The following SP140 variants were observed in gnomAD, a reference collection of about 807,000 sequenced individuals.
SP140 encodes the protein nuclear body protein SP140.
In SP140, 81 loss-of-function variants were observed where a neutral mutation model predicts 125.0. The ratio of observed to expected loss-of-function variants is 0.65; its 90% CI spans 0.54 to 0.78. The LOEUF (loss-of-function observed/expected upper bound fraction) is 0.78. SP140 is among the 30% of genes least tolerant of loss of function. The pLI is 0.00. For synonymous variants in SP140, 312 were observed against 354.0 expected (o/e 0.88, Z 1.33); for missense variants, 858 against 1,037.0 (o/e 0.83, Z 2.37).
intron 3 of SP140, chr2:230,238,940 G>A (rs2048349755): frequency 1.2e-5 from 18 of 1,542,388 alleles, no homozygotes; most frequent in Non-Finnish European, 1.6e-5. Flanking sequence ...ATTGCAGACT[G>A]TGGGAGGCAG....
At position 230,310,835 on chromosome 2, in the gene SP140, G is replaced by A. The variant is rs773062826; in HGVS notation, c.2267G>A (p.Cys756Tyr). The A allele has an allele frequency of 2.0e-5, 26 of 1,325,344 alleles. No homozygotes were observed. Among genetic ancestry groups the A allele is most frequent in the Non-Finnish European group, 2.5e-5 (24 of 961,104 alleles). 82.1% of individuals were successfully genotyped at this position (1,325,344 alleles called of 1,614,324 possible). The change falls in exon 24 of 27, where the codon TGT becomes TAT. Residue 756 changes from cysteine to tyrosine, a missense_variant. By Grantham distance (194) the Cys-to-Tyr change is radical (BLOSUM62 -2). Transcript: ENST00000392045. Reference sequence around the variant, plus strand: ...TCTGAGGTCCTGGAGAGGCAGATGTGTCCTGAGGAACAGTTGGTAAATCAG... The same window carrying A: ...TCTGAGGTCCTGGAGAGGCAGATGTATCCTGAGGAACAGTTGGTAAATCAG... ...QESEVLERQM[C>Y]PEEQLKCEFL...
At chr2:230,249,075 C>T (rs1196643648) in intron 9 of SP140, 107 bp downstream of exon 9, 6 of 747,764 alleles carry the variant, frequency 8.0e-6, no homozygotes, top group African/African-American at 5.4e-5. Flanking sequence ...TCTTCACATT[C>T]GCATACATAC....
intron 1 of SP140, among the ~76,000 whole-genome samples, chr2:230,235,585 A>G (rs750651582): frequency 1.3e-5 from 2 of 152,310 alleles, no homozygotes; most frequent in Admixed American, 6.5e-5. Flanking sequence ...TAAGGAATGG[A>G]AAGTCCCAAT....
chr2:230,282,681 G>T (rs1351448309), intron 15 of SP140, among the ~76,000 whole-genome samples: 1 of 152,132 alleles, frequency 6.6e-6, no homozygotes, highest in Non-Finnish European at 1.5e-5. Context: ...AAACGATCTA[G>T]GTCCCTTATG....
At chr2:230,245,728 C>A in intron 6 of SP140, 135 bp from the exon 7 acceptor site, 1 of 617,792 alleles carries the variant, frequency 1.6e-6, no homozygotes, top group East Asian at 2.7e-5. Flanking sequence ...AGAAGTAGAG[C>A]CACTTTTGTT....
intron 16 of SP140, 22 bp from the exon 17 acceptor site, chr2:230,285,730 A>G (rs752680010): frequency 8.1e-6 from 13 of 1,598,036 alleles, no homozygotes; most frequent in South Asian, 1.1e-5. Context: ...CTATTAATAC[A>G]TTTTCCCCTG....
intron 3 of SP140, among the ~76,000 whole-genome samples, chr2:230,214,610 T>C (rs1263977453): frequency 6.6e-6 from 1 of 152,252 alleles, no homozygotes; most frequent in African/African-American, 2.4e-5. Context: ...CCTCCCTGGC[T>C]CTCCTTGTCC....
At chr2:230,275,676 CAT>C (rs1442609190) in intron 15 of SP140, among the ~76,000 whole-genome samples, 1 of 152,186 alleles carries the variant, frequency 6.6e-6, no homozygotes, top group African/African-American at 2.4e-5. Flanking sequence ...GGAAGCGTCA[CAT>C]GTGTCTCACT....
intron 3 of SP140, among the ~76,000 whole-genome samples, chr2:230,216,304 C>G (rs773555371): frequency 6.6e-6 from 1 of 151,970 alleles, no homozygotes; most frequent in Non-Finnish European, 1.5e-5. Flanking sequence ...TTAGGGTGAC[C>G]CTAAATCCAA....
intron 23 of SP140, 70 bp from the exon 24 acceptor site, chr2:230,310,673 G>T: frequency 7.9e-7 from 1 of 1,261,494 alleles, no homozygotes; most frequent in Non-Finnish European, 1.1e-6. Context: ...AAGGAAGACA[G>T]TGGTAGCCAC....
chr2:230,238,920 A>G (rs1344845089), intron 3 of SP140: 7 of 1,548,360 alleles, frequency 4.5e-6, no homozygotes, highest in Middle Eastern at 2.0e-4. Flanking sequence ...TTTCCGAACC[A>G]TGTGGTTGAA....
chr2:230,255,615 T>A, intron 12 of SP140, 83 bp downstream of exon 12: 2 of 1,268,100 alleles, frequency 1.6e-6, no homozygotes, highest in East Asian at 2.3e-5. Flanking sequence ...CCTGATTGAC[T>A]TTCCTCTGCA....
intron 3 of SP140, among the ~76,000 whole-genome samples, chr2:230,214,590 A>AT (rs1312161205): frequency 6.6e-6 from 1 of 152,130 alleles, no homozygotes; most frequent in African/African-American, 2.4e-5. Flanking sequence ...GTCCACATTC[A>AT]TTTTTTCTTC....
At chr2:230,231,082 T>G (rs2047167787) in intron 1 of SP140, among the ~76,000 whole-genome samples, 1 of 152,254 alleles carries the variant, frequency 6.6e-6, no homozygotes, top group South Asian at 2.1e-4. Context: ...TACATTGTTT[T>G]TCATTTCTAG....
chr2:230,309,272 G>T (rs138022036), intron 22 of SP140, among the ~76,000 whole-genome samples: 1 of 152,158 alleles, frequency 6.6e-6, no homozygotes, highest in Non-Finnish European at 1.5e-5. Context: ...TGGCACCTTC[G>T]CACCTTACAA....
intron 1 of SP140, among the ~76,000 whole-genome samples, chr2:230,209,352 C>T (rs1270662935): frequency 6.6e-6 from 1 of 152,048 alleles, no homozygotes; most frequent in Non-Finnish European, 1.5e-5. Context: ...ACCCTGAAGG[C>T]ATCTAGGATG....
intron 7 of SP140, 78 bp downstream of exon 7, chr2:230,246,018 C>A (rs1317950354): frequency 1.2e-6 from 1 of 816,868 alleles, no homozygotes; most frequent in Non-Finnish European, 2.1e-6. Flanking sequence ...CCTTCCCATT[C>A]CCCCATCTAT....
chr2:230,238,739 A>G, intron 3 of SP140: 1 of 1,524,490 alleles, frequency 6.6e-7, no homozygotes, highest in Non-Finnish European at 8.9e-7. Flanking sequence ...GTTCAAAGAT[A>G]AAACAATTTT....
intron 8 of SP140, among the ~76,000 whole-genome samples, 173 bp from the exon 9 acceptor site, chr2:230,248,712 G>A (rs944619161): frequency 1.3e-5 from 2 of 152,176 alleles, no homozygotes; most frequent in Non-Finnish European, 2.9e-5. Context: ...AGAACGGTGA[G>A]GAGGACACTG....
Sources: allele counts gnomAD v4.1 joint callset (sites outside exome capture counted in the v4.1 genomes callset), GRCh38; gene constraint gnomAD v4.1.1; transcripts MANE v1.5; gene names NCBI Gene and HGNC (gene_info 2026-07-23, HGNC 2026-07-21).